The following FAT1 variants were observed in gnomAD, a reference collection of about 807,000 sequenced individuals.
FAT1 encodes FAT atypical cadherin 1, also known as protocadherin Fat 1.
A neutral mutation model predicts 329.8 loss-of-function variants in FAT1; 171 were observed. The observed-to-expected ratio is 0.52, with a 90% CI of 0.46 to 0.59. The LOEUF is 0.59. Ranked by LOEUF, FAT1 falls within the 20% of genes least tolerant of loss-of-function variation. The probability of loss-of-function intolerance (pLI) is 0.00; values close to 1 mark genes in which losing one functional copy is unlikely to be tolerated. For synonymous variants in FAT1, 2,233 were observed against 2,228.6 expected, an observed-to-expected ratio of 1.00 and a Z score of -0.06; for missense variants, 5,672 against 5,774.4, an observed-to-expected ratio of 0.98 and a Z score of 0.57.
intron 2 of FAT1, among the ~76,000 whole-genome samples, chr4:186,698,379 G>C (rs1189787105): frequency 6.6e-6 from 1 of 152,194 alleles, no homozygotes; most frequent in Admixed American, 6.5e-5. Flanking sequence ...ATTATGCATT[G>C]AGTGCCTGTT....
rs1054187363 is a variant in FAT1 at position 186,587,960 on chromosome 4, A to G, written c.*632T>C. The G allele has an allele frequency of 2.3e-5, 5 of 217,014 alleles. No homozygotes were observed. Among genetic ancestry groups the G allele is most frequent in the African/African-American group, 9.0e-5 (4 of 44,370 alleles). The allele number at this position is 217,014 out of a possible 1,614,324, so 13.4% of individuals were successfully genotyped here. A position where few individuals can be genotyped will look rare whatever the true frequency, so the allele number is the denominator to read the frequency against. On this transcript the variant is annotated 3_prime_UTR_variant, in exon 27 of 27. Coordinates refer to ENST00000441802, the MANE Select transcript of FAT1 (RefSeq NM_005245.4). ...CAGAAGGTCCCCGTTACACTTTCCA[A>G]TAATGAAAAATGTTTATAATTCTAA...
upstream of FAT1, chr4:186,723,974 G>A (rs1260251569): frequency 6.7e-6 from 1 of 150,320 alleles, no homozygotes; most frequent in Non-Finnish European, 1.5e-5. Context: ...CGCGGGCTCG[G>A]CCACGCAGTC....
chr4:186,671,729 C>T (rs1026319054), intron 2 of FAT1, among the ~76,000 whole-genome samples: 16 of 151,954 alleles, frequency 1.1e-4, no homozygotes, highest in Non-Finnish European at 1.6e-4. Flanking sequence ...ATAAAAATAA[C>T]GATACTAGTT....
chr4:186,611,227 C>T (rs1218742091), intron 14 of FAT1, among the ~76,000 whole-genome samples, 159 bp downstream of exon 14: 1 of 152,136 alleles, frequency 6.6e-6, no homozygotes, highest in Non-Finnish European at 1.5e-5. Flanking sequence ...TTCCAAACAA[C>T]ATTCAATCCC....
In FAT1 at chr4:186,620,033, G is replaced by A; in HGVS notation, c.6553C>T (p.Pro2185Ser). The A allele has an allele frequency of 6.2e-7, 1 of 1,613,990 alleles. No individual in the cohort carries two copies. Reference sequence around the variant, plus strand: ...TCTGCAATCTCTGCACTGTAGAAAGGTTTTTCAAACACAGGCATGGCTTTA... The same window carrying A: ...TCTGCAATCTCTGCACTGTAGAAAGATTTTTCAAACACAGGCATGGCTTTA... ...MNKAMPVFEK[P>S]FYSAEIAESI... Residue 2185 changes from proline to serine, a missense_variant, in exon 10 of 27, where the codon CCT (proline) becomes TCT (serine). Transcript: ENST00000441802.
chr4:186,724,738 G>C (rs1356808509), upstream of FAT1, among the ~76,000 whole-genome samples: 2 of 152,236 alleles, frequency 1.3e-5, no homozygotes, highest in African/African-American at 4.8e-5. The surrounding 1 kb of genome is among the most constrained non-coding windows in gnomAD (Gnocchi z 5.3). Context: ...GCGCAGGGCG[G>C]ACTCGGCCGA....
At chr4:186,590,522 T>C (rs907006659) in intron 26 of FAT1, 4 of 543,962 alleles carry the variant, frequency 7.4e-6, no homozygotes, top group Admixed American at 2.3e-5. Flanking sequence ...CAATCAGCCA[T>C]ACAGCATGTC....
At chr4:186,647,592 G>C (rs1741439209) in intron 3 of FAT1, among the ~76,000 whole-genome samples, 1 of 152,134 alleles carries the variant, frequency 6.6e-6, no homozygotes, top group Non-Finnish European at 1.5e-5. Flanking sequence ...TTGCAGGAAG[G>C]AGTCCTCTGG....
At chr4:186,674,573 G>C (rs940169981) in intron 2 of FAT1, among the ~76,000 whole-genome samples, 1 of 152,112 alleles carries the variant, frequency 6.6e-6, no homozygotes, top group Non-Finnish European at 1.5e-5. Flanking sequence ...AGGAGCGATG[G>C]AACTTAAGTT....
chr4:186,673,218 T>A (rs1029585230), intron 2 of FAT1, among the ~76,000 whole-genome samples: 10 of 152,180 alleles, frequency 6.6e-5, no homozygotes, highest in Admixed American at 6.5e-4. Flanking sequence ...GAACAGAAAC[T>A]TTTTTAATCT....
chr4:186,636,586 G>A lies in FAT1; in HGVS notation c.3971C>T (p.Ser1324Leu), dbSNP rs777497306. The change falls in exon 5 of 27, where the codon TCA becomes TTA. Residue 1324 changes from serine (S) to leucine (L), a missense_variant and splice_region_variant. By Grantham distance (145) the Ser-to-Leu change is moderately radical. Around this residue, in one of 2 missense-constraint regions of FAT1, gnomAD observed 3,966 missense variants for 3,915.2 expected, o/e 1.01. Coordinates refer to ENST00000441802, the MANE Select transcript of FAT1 (RefSeq NM_005245.4). ...FSAAGEYDIL[S>L]IKAVDNGRPQ... ...TACAGTACTACAATCTTAACTCACT[G>A]AAAGAATATCATATTCTCCAGCTGC... 3.1e-6 allele frequency: 5 copies of A among 1,602,266 alleles called. No homozygotes were observed. The highest frequency in any genetic ancestry group is 2.2e-5 in the East Asian group (1 of 44,752).
At chr4:186,706,476 T>C (rs2126681362) in intron 2 of FAT1, 87 bp downstream of exon 2, 2 of 1,416,334 alleles carry the variant, frequency 1.4e-6, no homozygotes, top group Non-Finnish European at 1.9e-6. Context: ...AACAGGGAAT[T>C]TTGAAGAAGC....
Position 186,708,840 on chromosome 4 carries a change from A to T in FAT1, c.988T>A (p.Phe330Ile), listed in dbSNP as rs894702211. The T allele has an allele frequency of 3.7e-6, 6 of 1,613,876 alleles. No homozygotes were observed. The African/African-American group carries it at 8.0e-5, about 22-fold the overall frequency. The change falls in exon 2 of 27, where the codon TTC becomes ATC. Residue 330 changes from phenylalanine to isoleucine, a missense_variant. Coordinates refer to ENST00000441802, the MANE Select transcript of FAT1 (RefSeq NM_005245.4). ...IGGIDWDSHPFGYNLTLQAKD... is the reference protein window; with the variant it reads ...IGGIDWDSHPIGYNLTLQAKD... ...GCCTGTAGTGTGAGATTGTAGCCGA[A>T]AGGATGACTGTCCCAATCAATGCCA...
chr4:186,617,027 T>C lies in FAT1; in HGVS notation c.9053A>G (p.Asp3018Gly), dbSNP rs1739743317. The C allele has an allele frequency of 6.2e-7, 1 of 1,613,478 alleles. No individual in the cohort carries two copies. Among genetic ancestry groups the C allele is most frequent in the South Asian group, 1.1e-5 (1 of 90,926 alleles). Reference sequence around the variant, plus strand: ...TACCTTTTCACAAACTGGACTGTTGTCATTTGCATCCAGAACTTTCACTTC... The same window carrying C: ...TACCTTTTCACAAACTGGACTGTTGCCATTTGCATCCAGAACTTTCACTTC... ...IVEVKVLDAN[D>G]NSPVCEKTLY... is the part of the protein sequence containing the mutation. The change falls in exon 11 of 27, where the codon GAC (aspartate) becomes GGC (glycine). Residue 3018 changes from aspartate (D) to glycine (G), a missense_variant. By Grantham distance (94) the Asp-to-Gly change is moderately conservative (BLOSUM62 -1). Coordinates refer to ENST00000441802, the MANE Select transcript of FAT1 (RefSeq NM_005245.4).
Position 186,649,788 on chromosome 4 carries a change from C to T in FAT1, c.3581-10005G>A, listed in dbSNP as rs188748760. 6.7e-3 allele frequency among the ~76,000 whole-genome samples: 1,013 copies of T among 152,276 alleles called. 12 individuals carry two copies. The highest frequency in any genetic ancestry group is 0.024 in the African/African-American group (984 of 41,564). On this transcript the variant is annotated intron_variant, in intron 3 of 26. Transcript: ENST00000441802. ...GGAAAGTAGCCTTAGGGAAATAAAC[C>T]TTTTTTAAAAAAATTAATGGCTTTA...
intron 3 of FAT1, among the ~76,000 whole-genome samples, chr4:186,646,339 T>G (rs936023906): frequency 6.6e-6 from 1 of 152,204 alleles, no homozygotes; most frequent in Non-Finnish European, 1.5e-5. Context: ...ATTTTGGCCT[T>G]TCCGCCCTTT....
chr4:186,685,428 A>G (rs946402243), intron 2 of FAT1, among the ~76,000 whole-genome samples: 1 of 152,222 alleles, frequency 6.6e-6, no homozygotes, highest in Non-Finnish European at 1.5e-5. Context: ...CAAATGAAAC[A>G]TCTTCACTAA....
Position 186,708,301 on chromosome 4 carries a change from C to T in FAT1, c.1527G>A (p.Pro509=), listed in dbSNP as rs374215633. The T allele has an allele frequency of 2.9e-5, 46 of 1,613,836 alleles. No homozygotes were observed. Among genetic ancestry groups the T allele is most frequent in the African/African-American group, 4.0e-5 (3 of 74,916 alleles). ...TYSIANLNHV[P]FAIDHFTGAV... Reference sequence around the variant, plus strand: ...CACCAGTGAAATGGTCAATCGCAAACGGCACATGATTTAAATTTGCGATAC... The same window carrying T: ...CACCAGTGAAATGGTCAATCGCAAATGGCACATGATTTAAATTTGCGATAC... The change falls in exon 2 of 27, where the codon CCG becomes CCA. Residue 509 remains proline, a synonymous_variant. Coordinates refer to ENST00000441802, the MANE Select transcript of FAT1 (RefSeq NM_005245.4).
rs192619087 is a variant in FAT1, at chr4:186,633,114, G to A, written c.4323+570C>T. On this transcript the variant is annotated intron_variant, in intron 7 of 26. Coordinates refer to ENST00000441802, the MANE Select transcript of FAT1 (RefSeq NM_005245.4). Reference sequence around the variant, plus strand: ...CTGTACACTCCAAACGGCCCACACTGAGAACCAAAGAAAAGTAATAAGAAA... The same window carrying A: ...CTGTACACTCCAAACGGCCCACACTAAGAACCAAAGAAAAGTAATAAGAAA... 6.6e-3 allele frequency among the ~76,000 whole-genome samples: 1,010 copies of A among 152,150 alleles called. 6 individuals are homozygous for A. The highest frequency in any genetic ancestry group is 0.01 in the Middle Eastern group (3 of 294).
Sources: gnomAD v4.1 joint callset for allele counts (sites outside exome capture counted in the v4.1 genomes callset) on GRCh38, gnomAD v4.1.1 for gene constraint, gnomAD v4.1.1 regional missense constraint, Gnocchi (gnomAD v3.1) non-coding constraint, MANE v1.5 for transcripts, NCBI Gene and HGNC (gene_info 2026-07-23, HGNC 2026-07-21) for gene names.